The following NRP2 variants were observed in gnomAD, a reference collection of about 807,000 sequenced individuals.
NRP2 encodes neuropilin-2.
Under a neutral mutation model 110.4 loss-of-function variants are expected in NRP2, and 52 were observed. The ratio of observed to expected loss-of-function variants is 0.47; its 90% CI spans 0.38 to 0.59. The LOEUF is 0.59. Among genes scored for constraint, NRP2 ranks in the 20% least tolerant of loss-of-function variants. The pLI is 0.00. For synonymous variants in NRP2, 508 were observed against 468.9 expected (o/e 1.08, Z -1.08); for missense variants, 1,049 against 1,203.0 (o/e 0.87, Z 1.89).
chr2:205,750,393 T>C (rs1164872781), intron 11 of NRP2, among the ~76,000 whole-genome samples: 3 of 152,208 alleles, frequency 2.0e-5, no homozygotes, highest in Non-Finnish European at 2.9e-5. Flanking sequence ...GTGCACTGTA[T>C]CCTCTATAAC....
Position 205,764,074 on chromosome 2 carries a change from T to C in NRP2, c.2307+138T>C, listed in dbSNP as rs1022358490. ...CGTTGCCATGGCAACTGAATGACAC[T>C]CTTATTTGTTATTCAGAATATGCCT... On this transcript the variant is annotated intron_variant, in intron 13 of 16. Transcript: ENST00000357785. 3 of 1,088,384 alleles carry C rather than the reference T, an allele frequency of 2.8e-6. No homozygotes were observed. The African/African-American group carries it at 4.7e-5, about 17-fold the overall frequency. 67.4% of individuals were successfully genotyped at this position (1,088,384 alleles called of 1,614,324 possible). A position where few individuals can be genotyped will look rare whatever the true frequency, so the allele number is the denominator to read the frequency against.
At chr2:205,737,648 G>A (rs1465849310) in intron 7 of NRP2, among the ~76,000 whole-genome samples, 1 of 152,190 alleles carries the variant, frequency 6.6e-6, no homozygotes, top group African/African-American at 2.4e-5. Flanking sequence ...GAGCAGACAA[G>A]AAAACAGTTC....
chr2:205,748,593 C>T (rs907370879), intron 10 of NRP2, among the ~76,000 whole-genome samples: 1 of 152,146 alleles, frequency 6.6e-6, no homozygotes, highest in Non-Finnish European at 1.5e-5. Context: ...AGCTATTCAG[C>T]GTATTTAGCA....
At chr2:205,736,449 C>T (rs2057344965) in intron 7 of NRP2, among the ~76,000 whole-genome samples, 1 of 152,170 alleles carries the variant, frequency 6.6e-6, no homozygotes, top group Admixed American at 6.5e-5. Flanking sequence ...TACAAGGCAA[C>T]CCACCGATTT....
At chr2:205,753,073 G>C in intron 12 of NRP2, 98 bp downstream of exon 12, 1 of 1,471,726 alleles carries the variant, frequency 6.8e-7, no homozygotes, top group Non-Finnish European at 9.4e-7. Flanking sequence ...ACTTCCCACC[G>C]CACAGCAATC....
chr2:205,706,133 C>T (rs1288903288), intron 2 of NRP2, among the ~76,000 whole-genome samples: 5 of 152,166 alleles, frequency 3.3e-5, no homozygotes, highest in Admixed American at 6.5e-5. Flanking sequence ...CCTTCACTCT[C>T]CATCTGGAGT....
intron 15 of NRP2, chr2:205,768,313 G>A (rs928441715): frequency 7.2e-5 from 11 of 152,198 alleles, no homozygotes; most frequent in African/African-American, 2.4e-4. Flanking sequence ...AGTCGAATTC[G>A]AGTTCTAACC....
In NRP2 at chr2:205,753,719, G is replaced by A. The variant is rs184442490; in HGVS notation, c.2044+744G>A. On this transcript the variant is annotated intron_variant, in intron 12 of 16. Transcript: ENST00000357785. The stretch of plus-strand genomic sequence containing the variant: ...AATGTTTAACAATAGGCTTTTTAGG[G>A]ATTAAAAAATAAACTGCTTTTTAAC... Among the ~76,000 whole-genome samples the A allele has an allele frequency of 6.5e-4, 99 of 152,256 alleles. 1 individual carries two copies. The highest frequency in any genetic ancestry group is 6.0e-3 in the Admixed American group (92 of 15,298).
rs370384347 is a variant in NRP2 at position 205,723,905 on chromosome 2, C to G, written c.785C>G (p.Ala262Gly). Residue 262 changes from alanine (A) to glycine (G), a missense_variant, in exon 5 of 17, where the codon GCG becomes GGG. Transcript: ENST00000357785. ...DMAVAKDGFS[A>G]RYYLVHQEPL... ...GCGGTGGCCAAGGATGGCTTCTCTG[C>G]GCGTTACTACCTGGTCCACCAAGAG... The G allele has an allele frequency of 6.2e-7, 1 of 1,614,014 alleles. No homozygotes were observed. Among genetic ancestry groups the G allele is most frequent in the Non-Finnish European group, 8.5e-7 (1 of 1,180,020 alleles).
At chr2:205,753,330 C>A (rs533031143) in intron 12 of NRP2, among the ~76,000 whole-genome samples, 1 of 152,194 alleles carries the variant, frequency 6.6e-6, no homozygotes, top group Non-Finnish European at 1.5e-5. Flanking sequence ...TATCACAGAG[C>A]CCCTTGTCAA....
Position 205,792,227 on chromosome 2 carries a change from T to C in NRP2, c.2426-8T>C, listed in dbSNP as rs2058309263. The C allele has an allele frequency of 6.4e-7, 1 of 1,566,428 alleles. No individual in the cohort carries two copies. On this transcript the variant is annotated splice_region_variant and splice_polypyrimidine_tract_variant and intron_variant, in intron 15 of 16. Transcript: ENST00000357785. ...TATTAACTTGTTTTTATTTTCTTTA[T>C]ATTATAGTGGACATCCCAGAAATAC...
rs2057102559 is a variant in NRP2, at chr2:205,725,072, C to G, written c.821-841C>G. On this transcript the variant is annotated intron_variant, in intron 5 of 16. Transcript: ENST00000357785. The surrounding 1 kb of genome is among the most constrained non-coding windows in gnomAD (Gnocchi z 4.1). Reference sequence around the variant, plus strand: ...ACCATATATATAACTACAGACACGGCAGCCTGGCCTGCAGGAAGGTTGCTG... The same window carrying G: ...ACCATATATATAACTACAGACACGGGAGCCTGGCCTGCAGGAAGGTTGCTG... 6.6e-6 allele frequency among the ~76,000 whole-genome samples: 1 copy of G among 152,242 alleles called. No individual in the cohort carries two copies. The highest frequency in any genetic ancestry group is 1.5e-5 in the Non-Finnish European group (1 of 68,046).
chr2:205,726,215 T>C, intron 6 of NRP2, 133 bp downstream of exon 6: 1 of 933,560 alleles, frequency 1.1e-6, no homozygotes, highest in Non-Finnish European at 1.7e-6. Context: ...ATTCATTCAT[T>C]CATCCAAACA....
rs559765773 is a variant in NRP2, at chr2:205,684,201, T to C, written c.73+838T>C. 6.6e-5 allele frequency among the ~76,000 whole-genome samples: 10 copies of C among 152,034 alleles called. No individual in the cohort carries two copies. In the East Asian group the frequency reaches 1.9e-3, roughly 29 times the overall value. On this transcript the variant is annotated intron_variant, in intron 1 of 16. Transcript: ENST00000357785. ...CAGAACAGTCTGGGGACCGCATTTG[T>C]GGGGAGCGGCAAGGGGTATGCTCTG... is the stretch of plus-strand genomic sequence containing the variant.
chr2:205,787,501 CTGGCCATAT>C (rs2058247785), intron 15 of NRP2, among the ~76,000 whole-genome samples: 1 of 152,204 alleles, frequency 6.6e-6, no homozygotes, highest in Admixed American at 6.5e-5. Context: ...TCTCACTTTC[CTGGCCATAT>C]TGTGAAGCTC....
chr2:205,784,187 A>G (rs892031948), intron 15 of NRP2, among the ~76,000 whole-genome samples: 1 of 152,214 alleles, frequency 6.6e-6, no homozygotes, highest in African/African-American at 2.4e-5. Context: ...ACTCATTAAC[A>G]GGATGCCTGG....
chr2:205,726,423 G>A (rs974517754), intron 6 of NRP2, among the ~76,000 whole-genome samples: 6 of 152,164 alleles, frequency 3.9e-5, no homozygotes, highest in African/African-American at 1.4e-4. Context: ...AGGCATCAGG[G>A]ACATGGGGGG....
intron 15 of NRP2, among the ~76,000 whole-genome samples, chr2:205,780,846 C>T (rs911955715): frequency 4.6e-5 from 7 of 152,156 alleles, no homozygotes; most frequent in Non-Finnish European, 7.4e-5. Context: ...TCTGTTAGTA[C>T]AGATGGTTCA....
At chr2:205,717,301 G>C (rs993839753) in intron 3 of NRP2, among the ~76,000 whole-genome samples, 3 of 152,068 alleles carry the variant, frequency 2.0e-5, no homozygotes, top group African/African-American at 7.3e-5. Context: ...AGCAGCCCAA[G>C]TTTTACAACT....
Sources: gnomAD v4.1 joint callset for allele counts (sites outside exome capture counted in the v4.1 genomes callset) on GRCh38, gnomAD v4.1.1 for gene constraint, Gnocchi (gnomAD v3.1) non-coding constraint, MANE v1.5 for transcripts, NCBI Gene and HGNC (gene_info 2026-07-23, HGNC 2026-07-21) for gene names.